Variants in TRPM6 observed in about 807,000 individuals in gnomAD.
TRPM6 encodes the protein channel kinase 2.
Under a neutral mutation model 247.6 loss-of-function variants are expected in TRPM6, and 111 were observed. The ratio of observed to expected loss-of-function variants is 0.45; its 90% confidence interval spans 0.38 to 0.52. TRPM6 has a LOEUF of 0.52. Among genes scored for constraint, TRPM6 ranks in the 20% least tolerant of loss-of-function variants. TRPM6 has a pLI of 0.00. For synonymous variants in TRPM6, 892 were observed against 853.8 expected (o/e 1.04, Z -0.78); for missense variants, 2,126 against 2,421.5 (o/e 0.88, Z 2.56).
intron 11 of TRPM6, among the ~76,000 whole-genome samples, chr9:74,815,657 T>C (rs1035025410): frequency 5.9e-5 from 9 of 152,168 alleles, no homozygotes; most frequent in African/African-American, 2.2e-4. Flanking sequence ...GACAGAAGTG[T>C]TGAAAAATTT....
intron 5 of TRPM6, among the ~76,000 whole-genome samples, chr9:74,836,098 A>G (rs1250504982): frequency 6.6e-6 from 1 of 152,112 alleles, no homozygotes; most frequent in Non-Finnish European, 1.5e-5. Flanking sequence ...CACTGGCCTG[A>G]AAATATTCTG....
At chr9:74,855,972 T>C (rs1442668108) in intron 2 of TRPM6, among the ~76,000 whole-genome samples, 1 of 152,184 alleles carries the variant, frequency 6.6e-6, no homozygotes, top group Non-Finnish European at 1.5e-5. Context: ...ACTATGAAGA[T>C]AACACAGATT....
chr9:74,727,603 T>C (rs1465229303), intron 38 of TRPM6, among the ~76,000 whole-genome samples: 1 of 152,036 alleles, frequency 6.6e-6, no homozygotes, highest in Non-Finnish European at 1.5e-5. Flanking sequence ...GAGGCACACA[T>C]GATGCTTCCC....
At chr9:74,839,768 C>G (rs1829853611) in intron 5 of TRPM6, among the ~76,000 whole-genome samples, 1 of 151,502 alleles carries the variant, frequency 6.6e-6, no homozygotes, top group South Asian at 2.1e-4. Flanking sequence ...CACAGCACCA[C>G]ATATCCTAGG....
At chr9:74,796,693 G>T in intron 18 of TRPM6, 48 bp downstream of exon 18, 6 of 1,588,570 alleles carry the variant, frequency 3.8e-6, no homozygotes, top group Non-Finnish European at 5.2e-6. Flanking sequence ...GTATATTTGC[G>T]TGCAGTCAAT....
rs986753721 is a variant in TRPM6, at chr9:74,828,071, C to T, written c.670-122G>A. 4.6e-5 allele frequency: 49 copies of T among 1,070,144 alleles called. No homozygotes were observed. The East Asian group carries it at 8.3e-4, about 18-fold the overall frequency. 66.3% of individuals were successfully genotyped at this position (1,070,144 alleles called of 1,614,324 possible). On this transcript the variant is annotated intron_variant, in intron 6 of 38. Transcript: ENST00000360774. ...TGTCTAGTTTAAAAAGTACTACTTGCGGCCAGGCATGGTGGCTCATGCCTG... is the reference window on the plus strand; with the variant it reads ...TGTCTAGTTTAAAAAGTACTACTTGTGGCCAGGCATGGTGGCTCATGCCTG...
chr9:74,871,498 C>G (rs1179078756), intron 1 of TRPM6, among the ~76,000 whole-genome samples: 1 of 152,082 alleles, frequency 6.6e-6, no homozygotes, highest in Non-Finnish European at 1.5e-5. Flanking sequence ...GACCAGTATT[C>G]CCTAATATGG....
intron 27 of TRPM6, among the ~76,000 whole-genome samples, chr9:74,756,183 G>A (rs1324827079): frequency 2.0e-5 from 3 of 152,070 alleles, no homozygotes; most frequent in Admixed American, 6.6e-5. Context: ...TATTTCTTGG[G>A]ATTCCAGAAA....
At chr9:74,739,638 A>C in intron 34 of TRPM6, 85 bp downstream of exon 34, 1 of 1,581,202 alleles carries the variant, frequency 6.3e-7, no homozygotes, top group South Asian at 1.1e-5. Context: ...TGGGTTGAGG[A>C]TAATGGCCTT....
intron 23 of TRPM6, among the ~76,000 whole-genome samples, chr9:74,779,423 G>A (rs1282857263): frequency 1.3e-5 from 2 of 152,146 alleles, no homozygotes; most frequent in African/African-American, 4.8e-5. Context: ...CCAGCAGGAA[G>A]GTATGTCTTC....
intron 36 of TRPM6, among the ~76,000 whole-genome samples, chr9:74,737,953 CTGTG>C (rs1825746802): frequency 6.6e-6 from 1 of 152,170 alleles, no homozygotes; most frequent in Admixed American, 6.5e-5. Flanking sequence ...CTCTCTCAGT[CTGTG>C]TATTTTCATG....
At chr9:74,814,377 T>C (rs1828851740) in intron 11 of TRPM6, among the ~76,000 whole-genome samples, 1 of 152,042 alleles carries the variant, frequency 6.6e-6, no homozygotes, top group Admixed American at 6.6e-5. Context: ...TAAGATCTAG[T>C]ATTTGATAGC....
In TRPM6 at chr9:74,820,331, T is replaced by C. The variant is rs1360540306; in HGVS notation, c.1107A>G (p.Leu369=). 23 of 1,613,942 alleles carry C rather than the reference T, an allele frequency of 1.4e-5. No homozygotes were observed. Among genetic ancestry groups the C allele is most frequent in the Non-Finnish European group, 1.9e-5 (23 of 1,179,986 alleles). ...AATCCCTGTGAACCATACACTCCAT[T>C]AGAATTTGGAAAAGGTGCTTGGACT... ...LKQSKHLFQI[L]MECMVHRDCI... is the part of the protein sequence containing the mutation. The change falls in exon 9 of 39, where the codon CTA becomes CTG. Residue 369 remains leucine (L), a synonymous_variant. Transcript: ENST00000360774.
chr9:74,821,288 A>C (rs572901804), intron 8 of TRPM6, among the ~76,000 whole-genome samples: 79 of 152,226 alleles, frequency 5.2e-4, no homozygotes, highest in African/African-American at 1.9e-3. Flanking sequence ...AATTTCTGCT[A>C]TTTCCATTAA....
chr9:74,788,620 G>T lies in TRPM6; in HGVS notation c.2661C>A (p.Val887=). ...GGTAGATGGCATAACTCACCTCCCT[G>T]ACCACCTCAATAGCATTGGTGAAGA... is the stretch of plus-strand genomic sequence containing the variant. ...IYIFTNAIEV[V]REICISEPGK... Residue 887 remains valine (V), a synonymous_variant, in exon 20 of 39, where the codon GTC becomes GTA. Transcript: ENST00000360774. 1 of 1,613,812 alleles carries T rather than the reference G, an allele frequency of 6.2e-7. No homozygotes were observed. The highest frequency in any genetic ancestry group is 1.1e-5 in the South Asian group (1 of 91,028).
At chr9:74,798,786 T>C (rs918117546) in intron 17 of TRPM6, among the ~76,000 whole-genome samples, 1 of 152,228 alleles carries the variant, frequency 6.6e-6, no homozygotes, top group African/African-American at 2.4e-5. Context: ...AGACTTTAAG[T>C]AGCTAACTCA....
intron 9 of TRPM6, among the ~76,000 whole-genome samples, chr9:74,819,821 A>G (rs1829078422): frequency 6.6e-6 from 1 of 152,158 alleles, no homozygotes; most frequent in African/African-American, 2.4e-5. Flanking sequence ...CTTTTCTGGA[A>G]CATTGTTATA....
intron 7 of TRPM6, among the ~76,000 whole-genome samples, chr9:74,822,307 T>G (rs987923448): frequency 6.6e-6 from 1 of 152,178 alleles, no homozygotes; most frequent in African/African-American, 2.4e-5. Flanking sequence ...TGGAATGCAG[T>G]GGTGTGATCA....
chr9:74,802,484 G>C (rs1828379553), intron 15 of TRPM6, among the ~76,000 whole-genome samples: 1 of 152,094 alleles, frequency 6.6e-6, no homozygotes, highest in Non-Finnish European at 1.5e-5. Flanking sequence ...GGTGGGTAGG[G>C]GGAGACATAA....
Sources: gnomAD v4.1 joint callset for allele counts (sites outside exome capture counted in the v4.1 genomes callset) on GRCh38, gnomAD v4.1.1 for gene constraint, MANE v1.5 for transcripts, NCBI Gene and HGNC (gene_info 2026-07-23, HGNC 2026-07-21) for gene names.